The following NALF1 variants were observed in gnomAD, a reference collection of about 807,000 sequenced individuals.
NALF1 encodes NALCN channel auxiliary factor 1.
Under a neutral mutation model 48.4 loss-of-function variants are expected in NALF1, and 3 were observed. The observed-to-expected ratio is 0.06, with a 90% CI of 0.03 to 0.16. NALF1 has a LOEUF of 0.16. Among genes scored for constraint, NALF1 ranks in the 10% least tolerant of loss-of-function variants. The pLI, the probability that NALF1 is intolerant of heterozygous loss-of-function variation, is 1.00. For missense variants in NALF1, 526 were observed against 571.5 expected (o/e 0.92, Z 0.81); for synonymous variants, 262 against 245.7 (o/e 1.07, Z -0.62).
intron 1 of NALF1, among the ~76,000 whole-genome samples, chr13:107,476,464 T>C (rs118171834): frequency 8.5e-5 from 13 of 152,270 alleles, no homozygotes; most frequent in Non-Finnish European, 1.6e-4. Context: ...AAAATGTATA[T>C]AATCCTGCCT....
intron 1 of NALF1, among the ~76,000 whole-genome samples, chr13:107,446,151 A>G (rs1355839840): frequency 1.3e-5 from 2 of 152,030 alleles, no homozygotes; most frequent in Non-Finnish European, 2.9e-5. Context: ...GTTCGCCAGG[A>G]TGGTCTCGAT....
At chr13:107,276,338 G>A (rs1392892760) in intron 1 of NALF1, among the ~76,000 whole-genome samples, 1 of 152,090 alleles carries the variant, frequency 6.6e-6, no homozygotes, top group Non-Finnish European at 1.5e-5. Context: ...TAAATTTTCT[G>A]ATGTCCAGAA....
chr13:107,239,711 G>A (rs539380619), intron 1 of NALF1, among the ~76,000 whole-genome samples: 21 of 152,198 alleles, frequency 1.4e-4, no homozygotes, highest in Non-Finnish European at 2.8e-4. Context: ...GGTGAAAATA[G>A]CTTATTGGGT....
chr13:107,183,170 G>T (rs1370598530), intron 2 of NALF1, among the ~76,000 whole-genome samples: 2 of 152,140 alleles, frequency 1.3e-5, no homozygotes, highest in East Asian at 1.9e-4. Flanking sequence ...TGGAATTGTG[G>T]ATTTGCTGGG....
At chr13:107,412,901 T>A (rs770995920) in intron 1 of NALF1, among the ~76,000 whole-genome samples, 11 of 152,178 alleles carry the variant, frequency 7.2e-5, no homozygotes, top group Non-Finnish European at 1.2e-4. Context: ...AATAGCAAAA[T>A]AAATATGATT....
At chr13:107,838,977 A>G (rs1017061477) in intron 1 of NALF1, among the ~76,000 whole-genome samples, 3 of 152,132 alleles carry the variant, frequency 2.0e-5, no homozygotes, top group South Asian at 2.1e-4. Flanking sequence ...CTTCCCCCTC[A>G]CCTGCAGGGG....
chr13:107,400,414 G>A (rs1382336779), intron 1 of NALF1, among the ~76,000 whole-genome samples: 1 of 152,058 alleles, frequency 6.6e-6, no homozygotes. Flanking sequence ...TCAAACCTGA[G>A]CATCAGAAGC....
intron 1 of NALF1, among the ~76,000 whole-genome samples, chr13:107,739,901 A>G (rs1390640463): frequency 6.6e-6 from 1 of 152,216 alleles, no homozygotes; most frequent in Non-Finnish European, 1.5e-5. Context: ...TACTTATGAG[A>G]ATCTAATGCC....
chr13:107,172,768 CT>C, intron 2 of NALF1, among the ~76,000 whole-genome samples: 1 of 151,954 alleles, frequency 6.6e-6, no homozygotes, highest in East Asian at 1.9e-4. Flanking sequence ...TCTAGAAGTC[CT>C]TTAGATCAAC....
At chr13:107,528,128 A>T (rs1204304571) in intron 1 of NALF1, among the ~76,000 whole-genome samples, 1 of 152,170 alleles carries the variant, frequency 6.6e-6, no homozygotes, top group Non-Finnish European at 1.5e-5. Flanking sequence ...TGGTAAAGAT[A>T]ACTGAAAATG....
At chr13:107,855,953 G>A (rs1345335692) in intron 1 of NALF1, among the ~76,000 whole-genome samples, 2 of 152,072 alleles carry the variant, frequency 1.3e-5, no homozygotes, top group Non-Finnish European at 2.9e-5. Context: ...TATTATCCAG[G>A]CTGGAGTACA....
chr13:107,582,772 T>C (rs891792252), intron 1 of NALF1, among the ~76,000 whole-genome samples: 28 of 152,208 alleles, frequency 1.8e-4, no homozygotes, highest in African/African-American at 6.5e-4. Flanking sequence ...CTAAGAATAA[T>C]ACGTTCATTA....
chr13:107,524,422 G>A (rs891268154), intron 1 of NALF1, among the ~76,000 whole-genome samples: 2 of 151,974 alleles, frequency 1.3e-5, no homozygotes, highest in East Asian at 1.9e-4. Flanking sequence ...AGTATGTGAA[G>A]GAAGATGACA....
chr13:107,783,423 G>C (rs183485288), intron 1 of NALF1, among the ~76,000 whole-genome samples: 1 of 152,092 alleles, frequency 6.6e-6, no homozygotes, highest in Admixed American at 6.5e-5. Flanking sequence ...AATAGAAAGC[G>C]GGGAAAGGCA....
At chr13:107,493,822 C>A (rs74547661) in intron 1 of NALF1, among the ~76,000 whole-genome samples, 3 of 152,098 alleles carry the variant, frequency 2.0e-5, no homozygotes, top group African/African-American at 7.2e-5. Flanking sequence ...CCCAAGTGTT[C>A]GAGGCTGTAA....
chr13:107,590,174 A>T (rs952998440), intron 1 of NALF1, among the ~76,000 whole-genome samples: 4 of 152,032 alleles, frequency 2.6e-5, no homozygotes, highest in Non-Finnish European at 5.9e-5. Flanking sequence ...AAGATAAATG[A>T]AATGATAAAA....
intron 1 of NALF1, among the ~76,000 whole-genome samples, chr13:107,368,254 C>A (rs886675365): frequency 6.6e-6 from 1 of 152,082 alleles, no homozygotes; most frequent in African/African-American, 2.4e-5. Context: ...GCATATAATG[C>A]CCTTTGTATT....
intron 1 of NALF1, among the ~76,000 whole-genome samples, chr13:107,762,863 G>A (rs545579881): frequency 2.0e-5 from 3 of 152,214 alleles, no homozygotes; most frequent in Admixed American, 1.3e-4. Context: ...AAAAAAGAAA[G>A]AGAGTCTTAA....
chr13:107,608,225 G>A (rs9587410), intron 1 of NALF1, among the ~76,000 whole-genome samples: 119,865 of 152,086 alleles, frequency 0.79, 47,373 homozygotes, highest in African/African-American at 0.8. Context: ...GAATCATGCC[G>A]TTGGGATCCA....
Sources: gnomAD v4.1 joint callset for allele counts (sites outside exome capture counted in the v4.1 genomes callset) on GRCh38, gnomAD v4.1.1 for gene constraint, MANE v1.5 for transcripts, NCBI Gene and HGNC (gene_info 2026-07-23, HGNC 2026-07-21) for gene names.